SLC22A15: variants seen among roughly 807,000 people sequenced by gnomAD.
The protein encoded by SLC22A15 is flipt 1.
In SLC22A15, 45 loss-of-function variants were observed where a neutral mutation model predicts 62.7. The ratio of observed to expected loss-of-function variants is 0.72; its 90% CI spans 0.56 to 0.92. The LOEUF is 0.92. SLC22A15 is among the 40% of genes least tolerant of loss of function. SLC22A15 has a pLI of 0.00. For synonymous variants in SLC22A15, 264 were observed against 267.0 expected (o/e 0.99, Z 0.11); for missense variants, 622 against 665.6 (o/e 0.93, Z 0.72).
At chr1:116,065,766 G>C (rs531051454) in intron 10 of SLC22A15, among the ~76,000 whole-genome samples, 3 of 152,266 alleles carry the variant, frequency 2.0e-5, no homozygotes, top group African/African-American at 7.2e-5. Context: ...AAATTTGGAA[G>C]CCTAAACCAG....
intron 1 of SLC22A15, among the ~76,000 whole-genome samples, chr1:115,977,214 A>AG (rs1204787891): frequency 6.6e-6 from 1 of 151,978 alleles, no homozygotes; most frequent in Non-Finnish European, 1.5e-5. Context: ...CCTGGGCTTG[A>AG]GGGGGCTTAC....
intron 6 of SLC22A15, chr1:116,032,602 G>T (rs1445896728): frequency 1.0e-6 from 1 of 985,280 alleles, no homozygotes; most frequent in African/African-American, 1.7e-5. Flanking sequence ...GCTGCCACCT[G>T]TATGGTTGGG....
At chr1:116,066,919 T>A in intron 11 of SLC22A15, 100 bp from the exon 12 acceptor site, 1 of 1,019,084 alleles carries the variant, frequency 9.8e-7, no homozygotes, top group Non-Finnish European at 1.5e-6. Context: ...GGAATGAATG[T>A]CATATAAATA....
intron 1 of SLC22A15, among the ~76,000 whole-genome samples, chr1:115,983,131 A>G (rs1441431215): frequency 6.6e-6 from 1 of 152,236 alleles, no homozygotes; most frequent in East Asian, 1.9e-4. Flanking sequence ...AACATTTCCA[A>G]ATATTTCTGT....
At position 116,062,825 on chromosome 1, in the gene SLC22A15, G is replaced by A. The variant is rs1476624184; in HGVS notation, c.1235G>A (p.Ser412Asn). The A allele has an allele frequency of 3.7e-6, 6 of 1,613,682 alleles. No individual in the cohort carries two copies. Among genetic ancestry groups the A allele is most frequent in the African/African-American group, 1.3e-5 (1 of 74,864 alleles). The change falls in exon 9 of 12, where the codon AGT becomes AAT. Residue 412 changes from serine to asparagine, a missense_variant. By Grantham distance (46) the Ser-to-Asn change is conservative. Transcript: ENST00000369503. ...TCCTTGCTGGGGAAGCTGACCATCAGTGCTGCCTTTAACATTGTTTATATC... is the reference window on the plus strand; with the variant it reads ...TCCTTGCTGGGGAAGCTGACCATCAATGCTGCCTTTAACATTGTTTATATC... Reference protein sequence around the residue: ...SLSLLGKLTISAAFNIVYIYT... With the variant: ...SLSLLGKLTINAAFNIVYIYT...
rs924760774 is a variant in SLC22A15, at chr1:116,064,229, G to A, written c.1293-207G>A. Among the ~76,000 whole-genome samples, 7 of 151,660 alleles carry A rather than the reference G, an allele frequency of 4.6e-5. No homozygotes were observed. In the East Asian group the frequency reaches 1.3e-3, roughly 29 times the overall value. Reference sequence around the variant, plus strand: ...ATTTCAAGCACTCAGTAGTGCTTGTGTCTAGTGGCTTCCACATTGGACTGG... The same window carrying A: ...ATTTCAAGCACTCAGTAGTGCTTGTATCTAGTGGCTTCCACATTGGACTGG... On this transcript the variant is annotated intron_variant, in intron 9 of 11. Coordinates refer to ENST00000369503, the MANE Select transcript of SLC22A15 (RefSeq NM_018420.3).
intron 8 of SLC22A15, among the ~76,000 whole-genome samples, chr1:116,041,074 T>A (rs1657771435): frequency 6.6e-6 from 1 of 152,188 alleles, no homozygotes; most frequent in Non-Finnish European, 1.5e-5. Context: ...CTCTCATTGA[T>A]GAGGATTATG....
chr1:115,993,902 C>T (rs1655286466), intron 2 of SLC22A15, among the ~76,000 whole-genome samples: 1 of 152,096 alleles, frequency 6.6e-6, no homozygotes, highest in Non-Finnish European at 1.5e-5. Context: ...CTCAGCATAA[C>T]CTATTATTGT....
chr1:116,056,703 C>T (rs1658216668), intron 8 of SLC22A15, among the ~76,000 whole-genome samples: 1 of 152,112 alleles, frequency 6.6e-6, no homozygotes, highest in Non-Finnish European at 1.5e-5. Context: ...GGTACCAAAA[C>T]AGAGATATAG....
chr1:116,008,937 C>G (rs911768414), intron 2 of SLC22A15, among the ~76,000 whole-genome samples: 1 of 152,120 alleles, frequency 6.6e-6, no homozygotes, highest in Admixed American at 6.5e-5. Flanking sequence ...AGGAGCCTGG[C>G]CAGTGTTCCA....
intron 2 of SLC22A15, among the ~76,000 whole-genome samples, chr1:115,995,638 TTGTC>T (rs1363046847): frequency 3.9e-5 from 6 of 152,320 alleles, no homozygotes; most frequent in East Asian, 1.9e-4. Flanking sequence ...TTTCTCTCCC[TTGTC>T]TGTCTGTCTG....
intron 8 of SLC22A15, among the ~76,000 whole-genome samples, chr1:116,056,857 A>G (rs2101553033): frequency 6.6e-6 from 1 of 152,336 alleles, no homozygotes; most frequent in African/African-American, 2.4e-5. Context: ...AGCCATAGGT[A>G]CAAAGCTGAA....
chr1:116,016,769 ACTC>A (rs1557887929), intron 2 of SLC22A15, among the ~76,000 whole-genome samples: 1 of 151,672 alleles, frequency 6.6e-6, no homozygotes, highest in African/African-American at 2.4e-5. Flanking sequence ...ATTCGTTCCT[ACTC>A]CTACTGCATC....
At chr1:116,026,746 T>TCTCGG in intron 4 of SLC22A15, 147 bp from the exon 5 acceptor site, 1 of 809,970 alleles carries the variant, frequency 1.2e-6, no homozygotes, top group South Asian at 2.1e-5. Flanking sequence ...TTAGTGTAGA[T>TCTCGG]TTTTTTTTCT....
At chr1:116,032,407 T>C in intron 6 of SLC22A15, 1 of 985,412 alleles carries the variant, frequency 1.0e-6, no homozygotes, top group Non-Finnish European at 1.2e-6. Flanking sequence ...AGGACAGTTG[T>C]GCTGTGGCTT....
chr1:116,050,726 A>T (rs1658030870), intron 8 of SLC22A15, among the ~76,000 whole-genome samples: 1 of 152,210 alleles, frequency 6.6e-6, no homozygotes, highest in Non-Finnish European at 1.5e-5. Context: ...TAACCAGAGC[A>T]ATCAGACAAG....
intron 2 of SLC22A15, among the ~76,000 whole-genome samples, chr1:116,002,624 A>G (rs376210186): frequency 6.6e-6 from 1 of 151,318 alleles, no homozygotes; most frequent in South Asian, 2.1e-4. Flanking sequence ...GCCCATGGCC[A>G]ACACTGCCCC....
rs1341466822 is a variant in SLC22A15 at position 116,027,255 on chromosome 1, T to C, written c.728+233T>C. On this transcript the variant is annotated intron_variant, in intron 5 of 11. Transcript: ENST00000369503. ...AAAGTAACCTCTCAATACACTGCAT[T>C]GTAACCTTCACATTGTTGGCATAGG... 3 of 632,844 alleles carry C rather than the reference T, an allele frequency of 4.7e-6. No individual in the cohort carries two copies. In the East Asian group the frequency reaches 1.0e-4, roughly 22 times the overall value. The allele number at this position is 632,844 out of a possible 1,614,324, so 39.2% of individuals were successfully genotyped here.
In SLC22A15 at chr1:115,976,537, C is replaced by A; in HGVS notation, c.-91C>A. ...CATCCCCGCCCCGGCGGGTCCAAGC[C>A]GGTGCCGGGCGCCCAGGGGTTGCCG... is the stretch of plus-strand genomic sequence containing the variant. On this transcript the variant is annotated 5_prime_UTR_variant, in exon 1 of 12. Coordinates refer to ENST00000369503, the MANE Select transcript of SLC22A15 (RefSeq NM_018420.3). The A allele has an allele frequency of 4.5e-6, 4 of 880,148 alleles. No individual in the cohort carries two copies. The highest frequency in any genetic ancestry group is 3.6e-5 in the South Asian group (2 of 54,798). 54.5% of individuals were successfully genotyped at this position (880,148 alleles called of 1,614,324 possible).
Sources: gnomAD v4.1 joint callset for allele counts (sites outside exome capture counted in the v4.1 genomes callset) on GRCh38, gnomAD v4.1.1 for gene constraint, MANE v1.5 for transcripts, NCBI Gene and HGNC (gene_info 2026-07-23, HGNC 2026-07-21) for gene names.